The following PWP1 variants were observed in gnomAD, a reference collection of about 807,000 sequenced individuals.
PWP1 encodes PWP1 homolog, endonuclein.
Under a neutral mutation model 69.9 loss-of-function variants are expected in PWP1, and 47 were observed. That is an observed-to-expected ratio of 0.67 (90% CI 0.53 to 0.86). The LOEUF (loss-of-function observed/expected upper bound fraction) is 0.86, where lower values mean the gene tolerates loss of function less well. Ranked by LOEUF, PWP1 falls within the 40% of genes least tolerant of loss-of-function variation. The pLI is 0.00. For missense variants in PWP1, 551 were observed against 608.8 expected (o/e 0.91, Z 1.00); for synonymous variants, 222 against 208.2 (o/e 1.07, Z -0.57).
Position 107,696,364 on chromosome 12 carries a change from T to G in PWP1, c.503-110T>G. 4.2e-6 allele frequency: 6 copies of G among 1,441,690 alleles called. No individual in the cohort carries two copies. The South Asian group carries it at 8.4e-5, about 20-fold the overall frequency. 89.3% of individuals were successfully genotyped at this position (1,441,690 alleles called of 1,614,324 possible). On this transcript the variant is annotated intron_variant, in intron 5 of 14. Coordinates refer to ENST00000412830, the MANE Select transcript of PWP1 (RefSeq NM_007062.3). ...CTCTTTATAATATCAGATGTCTCAC[T>G]TTAAAGCACATGGCTCACGTACATT...
chr12:107,709,170 G>A lies in PWP1; in HGVS notation c.1228G>A (p.Val410Met), dbSNP rs752926149. The change falls in exon 13 of 15, where the codon GTG becomes ATG. Residue 410 changes from valine (V) to methionine (M), a missense_variant. Coordinates refer to ENST00000412830, the MANE Select transcript of PWP1 (RefSeq NM_007062.3). ...CGTGACTGCTTCAGCTGACAAATAC[G>A]TGAAGATCTGGGACATCTTAGGAGA... ...CLVTASADKY[V>M]KIWDILGDRP... 6.8e-6 allele frequency: 11 copies of A among 1,613,688 alleles called. No homozygotes were observed. In the Admixed American group the frequency reaches 8.3e-5, roughly 12 times the overall value.
chr12:107,710,534 C>T, intron 14 of PWP1, 24 bp downstream of exon 14: 2 of 1,554,660 alleles, frequency 1.3e-6, no homozygotes, highest in East Asian at 2.4e-5. Context: ...GTTCTCTGCA[C>T]ACCTCCCCCT....
At chr12:107,704,476 C>T (rs1889773220) in intron 10 of PWP1, among the ~76,000 whole-genome samples, 160 bp from the exon 11 acceptor site, 1 of 152,232 alleles carries the variant, frequency 6.6e-6, no homozygotes. Context: ...CCACCAATTA[C>T]TGAAACTCAG....
chr12:107,706,034 A>G (rs564562208), intron 11 of PWP1, among the ~76,000 whole-genome samples: 40 of 152,222 alleles, frequency 2.6e-4, no homozygotes, highest in African/African-American at 8.4e-4. Context: ...AACTGTTCCT[A>G]TTTCTCCACA....
At position 107,712,168 on chromosome 12, in the gene PWP1, CTA is replaced by C. The variant is rs1243404857; in HGVS notation, c.1456_1457del (p.Ile486Ter). On this transcript the variant is annotated frameshift_variant, in exon 15 of 15. Coordinates refer to ENST00000412830, the MANE Select transcript of PWP1 (RefSeq NM_007062.3). LOFTEE classifies it high-confidence loss of function. Reference sequence around the variant, plus strand: ...GTTCTTGGGAGTGCAAGAAATTCATCTATTAGTGGCCCTTTTGGCAGCAGGAG... The same window carrying C: ...GTTCTTGGGAGTGCAAGAAATTCATCTTAGTGGCCCTTTTGGCAGCAGGAG... The C allele has an allele frequency of 1.2e-6, 2 of 1,614,070 alleles. No homozygotes were observed. Among genetic ancestry groups the C allele is most frequent in the Admixed American group, 3.3e-5 (2 of 60,014 alleles).
chr12:107,687,783 G>A (rs976239106), intron 1 of PWP1, among the ~76,000 whole-genome samples: 1 of 152,046 alleles, frequency 6.6e-6, no homozygotes, highest in Non-Finnish European at 1.5e-5. Flanking sequence ...TGTAATCCCA[G>A]CACTTTGGGA....
At chr12:107,702,309 C>G (rs1309787045) in intron 8 of PWP1, among the ~76,000 whole-genome samples, 1 of 151,762 alleles carries the variant, frequency 6.6e-6, no homozygotes, top group East Asian at 1.9e-4. Context: ...GAGACAGAGT[C>G]TCACTCTGTT....
intron 14 of PWP1, among the ~76,000 whole-genome samples, chr12:107,711,882 C>T (rs138303440): frequency 1.1e-4 from 17 of 152,060 alleles, no homozygotes; most frequent in African/African-American, 2.4e-4. Flanking sequence ...GTTACCAAGG[C>T]GGATCAGATA....
chr12:107,711,391 T>TG (rs765853932), intron 14 of PWP1, among the ~76,000 whole-genome samples: 2 of 152,158 alleles, frequency 1.3e-5, no homozygotes, highest in Non-Finnish European at 2.9e-5. Context: ...GGCCAGATTT[T>TG]GGGGGGCTTG....
At chr12:107,709,352 G>T in intron 13 of PWP1, 120 bp downstream of exon 13, 1 of 1,295,644 alleles carries the variant, frequency 7.7e-7, no homozygotes, top group Non-Finnish European at 1.1e-6. Flanking sequence ...TGGATGTGTT[G>T]GGGAAGTGAA....
chr12:107,697,420 G>C, intron 6 of PWP1, 47 bp from the exon 7 acceptor site: 1 of 1,523,162 alleles, frequency 6.6e-7, no homozygotes, highest in Non-Finnish European at 8.8e-7. Context: ...TAGAAGTTCT[G>C]TATGTCTTTT....
chr12:107,686,687 C>T (rs953197866), intron 1 of PWP1, among the ~76,000 whole-genome samples: 1 of 152,204 alleles, frequency 6.6e-6, no homozygotes, highest in Non-Finnish European at 1.5e-5. Context: ...AAAAGTCCCG[C>T]CGGGCGCGGT....
chr12:107,687,797 C>T (rs1313584895), intron 1 of PWP1, among the ~76,000 whole-genome samples: 4 of 151,928 alleles, frequency 2.6e-5, no homozygotes, highest in Admixed American at 6.6e-5. Flanking sequence ...TTTGGGAGCC[C>T]GAGGCAGGTG....
chr12:107,708,079 A>G (rs1379958997), intron 11 of PWP1, among the ~76,000 whole-genome samples: 1 of 152,154 alleles, frequency 6.6e-6, no homozygotes, highest in African/African-American at 2.4e-5. Flanking sequence ...AGCCTGACTT[A>G]TTTTTACAAT....
chr12:107,686,039 G>A, intron 1 of PWP1, 68 bp downstream of exon 1: 1 of 1,556,822 alleles, frequency 6.4e-7, no homozygotes. Flanking sequence ...GCCCAGCTGG[G>A]GGAACGTGGA....
chr12:107,709,307 G>T (rs546456734), intron 13 of PWP1, 75 bp downstream of exon 13: 1 of 1,529,284 alleles, frequency 6.5e-7, no homozygotes. Flanking sequence ...CTTGTGTTGC[G>T]TGTTTTTCTG....
chr12:107,708,101 T>A (rs1441827702), intron 11 of PWP1, among the ~76,000 whole-genome samples: 3 of 152,218 alleles, frequency 2.0e-5, no homozygotes, highest in African/African-American at 4.8e-5. Flanking sequence ...ATCATTCCAG[T>A]TGTACTTGAA....
At chr12:107,705,014 G>A (rs1202887608) in intron 11 of PWP1, among the ~76,000 whole-genome samples, 1 of 151,914 alleles carries the variant, frequency 6.6e-6, no homozygotes, top group African/African-American at 2.4e-5. Flanking sequence ...TTATTGTAGT[G>A]TTGTTTGAAA....
Position 107,712,020 on chromosome 12 carries a change from C to T in PWP1, c.1397-91C>T, listed in dbSNP as rs560148061. 1,224 of 1,011,706 alleles carry T rather than the reference C, an allele frequency of 1.2e-3. 5 individuals carry two copies. Among genetic ancestry groups the T allele is most frequent in the Non-Finnish European group, 1.6e-3 (1,057 of 652,658 alleles). 62.7% of individuals were successfully genotyped at this position (1,011,706 alleles called of 1,614,324 possible). On this transcript the variant is annotated intron_variant, in intron 14 of 14. Transcript: ENST00000412830. ...TACTCACTTTACCATTTATAAAGTA[C>T]TAAGTGCACAATTCTGCATTTTAGT...
Sources: gnomAD v4.1 joint callset for allele counts (sites outside exome capture counted in the v4.1 genomes callset) on GRCh38, gnomAD v4.1.1 for gene constraint, MANE v1.5 for transcripts, NCBI Gene and HGNC (gene_info 2026-07-23, HGNC 2026-07-21) for gene names.